Variants in REDIC1 observed in about 807,000 individuals in gnomAD.
REDIC1 encodes regulator of DNA class I crossover intermediates 1.
chr12:39,636,199 T>C, the REDIC1 span, among the ~76,000 whole-genome samples: 343 of 152,276 alleles, frequency 2.3e-3, 17 homozygotes, highest in South Asian at 0.067. Flanking sequence ...TGTGGAACAG[T>C]GTTTTCTGTG....
the REDIC1 span, among the ~76,000 whole-genome samples, chr12:39,664,763 C>T: frequency 1.3e-5 from 2 of 152,166 alleles, no homozygotes; most frequent in Non-Finnish European, 2.9e-5. Flanking sequence ...TTAATAATCG[C>T]CATTCTAACT....
chr12:39,648,937 G>T, the REDIC1 span, among the ~76,000 whole-genome samples: 1 of 151,600 alleles, frequency 6.6e-6, no homozygotes, highest in South Asian at 2.1e-4. Context: ...TGCTAGCCTT[G>T]TTATAAAGGC....
chr12:39,782,888 T>C, the REDIC1 span, among the ~76,000 whole-genome samples: 5 of 152,210 alleles, frequency 3.3e-5, no homozygotes, highest in African/African-American at 4.8e-5. Context: ...TTATTTTTTA[T>C]ACTTTAAGTT....
chr12:39,847,942 T>C, the REDIC1 span, among the ~76,000 whole-genome samples: 2 of 152,178 alleles, frequency 1.3e-5, no homozygotes, highest in South Asian at 2.1e-4. Context: ...TTCCTACTTC[T>C]GATGAGAGGC....
chr12:39,646,357 C>T, the REDIC1 span: 1 of 1,368,998 alleles, frequency 7.3e-7, no homozygotes, highest in Non-Finnish European at 9.5e-7. Context: ...CCCATGTGAA[C>T]ATGAATAGAG....
chr12:39,776,225 A>C, the REDIC1 span, among the ~76,000 whole-genome samples: 1 of 151,416 alleles, frequency 6.6e-6, no homozygotes, highest in Non-Finnish European at 1.5e-5. Flanking sequence ...CGGTTCCTTC[A>C]TATTGACCAA....
chr12:39,686,549 C>G, the REDIC1 span, among the ~76,000 whole-genome samples: 1 of 152,214 alleles, frequency 6.6e-6, no homozygotes, highest in Non-Finnish European at 1.5e-5. Flanking sequence ...CCCAGGAAAC[C>G]ATTCTTCCAT....
the REDIC1 span, among the ~76,000 whole-genome samples, chr12:39,705,781 TC>T: frequency 2.0e-5 from 3 of 151,920 alleles, no homozygotes; most frequent in African/African-American, 7.2e-5. Flanking sequence ...GTAAAAACCT[TC>T]AAAAAATGAA....
chr12:39,713,991 G>A, the REDIC1 span, among the ~76,000 whole-genome samples: 2 of 144,620 alleles, frequency 1.4e-5, no homozygotes, highest in South Asian at 2.2e-4. Context: ...ATATATACAT[G>A]TATGTACACC....
chr12:39,871,266 C>A, the REDIC1 span, among the ~76,000 whole-genome samples: 1 of 152,064 alleles, frequency 6.6e-6, no homozygotes, highest in Non-Finnish European at 1.5e-5. Context: ...ATAGAAAATA[C>A]ATTTAACCAA....
At chr12:39,782,374 TAGTG>T in the REDIC1 span, among the ~76,000 whole-genome samples, 9 of 152,128 alleles carry the variant, frequency 5.9e-5, no homozygotes, top group Non-Finnish European at 1.3e-4. Flanking sequence ...ATTCTTGTAA[TAGTG>T]AGTAAGTGTC....
chr12:39,789,921 T>G, the REDIC1 span, among the ~76,000 whole-genome samples: 1 of 152,112 alleles, frequency 6.6e-6, no homozygotes, highest in Non-Finnish European at 1.5e-5. Context: ...CGTCCAGATA[T>G]ATTATAAATC....
At chr12:39,883,581 A>G in the REDIC1 span, among the ~76,000 whole-genome samples, 2 of 152,162 alleles carry the variant, frequency 1.3e-5, no homozygotes, top group African/African-American at 4.8e-5. Context: ...AAAAAAGGGC[A>G]GGTCATGGCA....
the REDIC1 span, among the ~76,000 whole-genome samples, chr12:39,830,921 T>A: frequency 6.6e-6 from 1 of 152,286 alleles, no homozygotes; most frequent in South Asian, 2.1e-4. Flanking sequence ...AAAGTCATAA[T>A]CAGTTACTCA....
chr12:39,713,562 G>T, the REDIC1 span, among the ~76,000 whole-genome samples: 1 of 149,596 alleles, frequency 6.7e-6, no homozygotes, highest in African/African-American at 2.5e-5. Context: ...GTGCATACAT[G>T]TGTACGCGTA....
At chr12:39,718,173 T>G in the REDIC1 span, among the ~76,000 whole-genome samples, 1 of 152,110 alleles carries the variant, frequency 6.6e-6, no homozygotes, top group Non-Finnish European at 1.5e-5. Flanking sequence ...TGATGTTCTC[T>G]CTCTTGGGTT....
At chr12:39,891,078 G>C in the REDIC1 span, among the ~76,000 whole-genome samples, 1 of 150,822 alleles carries the variant, frequency 6.6e-6, no homozygotes, top group Non-Finnish European at 1.5e-5. Flanking sequence ...AAAAATTCTG[G>C]ACACCTAAAT....
the REDIC1 span, among the ~76,000 whole-genome samples, chr12:39,650,727 A>C: frequency 6.6e-6 from 1 of 152,132 alleles, no homozygotes; most frequent in African/African-American, 2.4e-5. The surrounding 1 kb of genome is among the most constrained non-coding windows in gnomAD (Gnocchi z 4.3). Flanking sequence ...GTGTGCCACC[A>C]CAGCCAATTG....
chr12:39,768,309 A>T, the REDIC1 span, among the ~76,000 whole-genome samples: 1 of 152,052 alleles, frequency 6.6e-6, no homozygotes, highest in Non-Finnish European at 1.5e-5. Flanking sequence ...AACTTTCTTC[A>T]TATCGGCAAT....
Sources: allele counts gnomAD v4.1 joint callset (sites outside exome capture counted in the v4.1 genomes callset), GRCh38; gene constraint gnomAD v4.1.1; non-coding constraint Gnocchi (gnomAD v3.1); transcripts MANE v1.5; gene names NCBI Gene and HGNC (gene_info 2026-07-23, HGNC 2026-07-21).